The following CSMD1 variants were observed in gnomAD, a reference collection of about 807,000 sequenced individuals.
CSMD1 encodes CUB and sushi domain-containing protein 1.
CSMD1 carries 213 observed loss-of-function variants against 417.5 expected under a neutral mutation model. The observed-to-expected ratio is 0.51, with a 90% CI of 0.46 to 0.57. CSMD1 has a LOEUF of 0.57. Ranked by LOEUF, CSMD1 falls within the 20% of genes least tolerant of loss-of-function variation. CSMD1 has a pLI of 0.00. For synonymous variants in CSMD1, 2,862 were observed against 1,736.8 expected (o/e 1.65, Z -16.11); for missense variants, 6,923 against 4,529.7 (o/e 1.53, Z -15.17).
rs1312794895 is a variant in CSMD1, at chr8:4,021,806, A to C, written c.610+10099T>G. Reference sequence around the variant, plus strand: ...AAGAAGCCATTTAGTGATAAAACTAAATTAAAGAAACTAAAGACCCGGGGC... The same window carrying C: ...AAGAAGCCATTTAGTGATAAAACTACATTAAAGAAACTAAAGACCCGGGGC... On this transcript the variant is annotated intron_variant, in intron 4 of 69. Coordinates refer to ENST00000635120, the MANE Select transcript of CSMD1 (RefSeq NM_033225.6). 2.6e-5 allele frequency among the ~76,000 whole-genome samples: 4 copies of C among 152,288 alleles called. No individual in the cohort carries two copies. In the East Asian group the frequency reaches 5.8e-4, roughly 22 times the overall value.
intron 23 of CSMD1, among the ~76,000 whole-genome samples, chr8:3,309,334 C>T (rs1006674139): frequency 7.6e-6 from 1 of 132,110 alleles, no homozygotes; most frequent in Non-Finnish European, 1.7e-5. Flanking sequence ...GAAAAAAAAA[C>T]TGGCGCTCCT....
chr8:4,273,048 T>C (rs1003225456), intron 3 of CSMD1, among the ~76,000 whole-genome samples: 1 of 152,064 alleles, frequency 6.6e-6, no homozygotes, highest in Non-Finnish European at 1.5e-5. Flanking sequence ...AAAATGGGGA[T>C]CATTATGTTG....
intron 25 of CSMD1, among the ~76,000 whole-genome samples, chr8:3,295,495 C>G (rs1179302265): frequency 6.6e-6 from 1 of 152,126 alleles, no homozygotes; most frequent in Admixed American, 6.5e-5. Flanking sequence ...TGTTAATTTA[C>G]TTTAAAACTG....
chr8:3,397,960 G>A (rs907467500), intron 16 of CSMD1, among the ~76,000 whole-genome samples: 1 of 152,144 alleles, frequency 6.6e-6, no homozygotes, highest in Non-Finnish European at 1.5e-5. Context: ...TTTAAGAGCT[G>A]TGTACTATGT....
At chr8:4,028,393 T>C (rs534857048) in intron 4 of CSMD1, among the ~76,000 whole-genome samples, 20 of 152,222 alleles carry the variant, frequency 1.3e-4, no homozygotes, top group African/African-American at 4.8e-4. Flanking sequence ...AAGTGGACAA[T>C]ACATACTAGC....
chr8:3,400,733 C>A (rs887346716), intron 15 of CSMD1, among the ~76,000 whole-genome samples: 3 of 151,592 alleles, frequency 2.0e-5, no homozygotes. Flanking sequence ...TCAGTGAACA[C>A]GGCAGTGGAA....
intron 2 of CSMD1, among the ~76,000 whole-genome samples, chr8:4,592,925 A>G (rs1179797859): frequency 1.3e-5 from 2 of 152,128 alleles, no homozygotes; most frequent in East Asian, 1.9e-4. Context: ...TCGAATCAGC[A>G]TTTATTTATA....
chr8:3,218,637 C>T (rs1798022725), intron 29 of CSMD1, among the ~76,000 whole-genome samples: 3 of 151,418 alleles, frequency 2.0e-5, no homozygotes, highest in South Asian at 4.2e-4. Flanking sequence ...TTTGGGAGGC[C>T]GAGGCAGGTG....
At chr8:3,573,458 T>C (rs1382491199) in intron 10 of CSMD1, among the ~76,000 whole-genome samples, 1 of 152,146 alleles carries the variant, frequency 6.6e-6, no homozygotes, top group African/African-American at 2.4e-5. Context: ...CTTGGAGGCT[T>C]TTGTCACAGC....
chr8:4,643,765 C>G (rs1379274340), intron 1 of CSMD1, among the ~76,000 whole-genome samples: 1 of 152,102 alleles, frequency 6.6e-6, no homozygotes, highest in Non-Finnish European at 1.5e-5. Flanking sequence ...AGGGGTTATT[C>G]CAGGGTCTGC....
chr8:3,683,639 T>C (rs1309172229), intron 7 of CSMD1, among the ~76,000 whole-genome samples: 2 of 152,206 alleles, frequency 1.3e-5, no homozygotes, highest in Non-Finnish European at 2.9e-5. Flanking sequence ...GTGCATACTC[T>C]TTTAATTTAA....
intron 12 of CSMD1, among the ~76,000 whole-genome samples, chr8:3,453,607 T>C (rs188226891): frequency 1.3e-5 from 2 of 152,250 alleles, no homozygotes; most frequent in East Asian, 1.9e-4. Flanking sequence ...TCAGTTTCCA[T>C]GTAACTGAGT....
rs550999779 is a variant in CSMD1 at position 2,948,792 on chromosome 8, T to C, written c.10402+507A>G. Reference sequence around the variant, plus strand: ...AGTACTGACCAATTGTATCTACCCATACATCCATCAAAATTAAACATGAGC... The same window carrying C: ...AGTACTGACCAATTGTATCTACCCACACATCCATCAAAATTAAACATGAGC... On this transcript the variant is annotated intron_variant, in intron 68 of 69. Coordinates refer to ENST00000635120, the MANE Select transcript of CSMD1 (RefSeq NM_033225.6). Among the ~76,000 whole-genome samples, 10 of 152,194 alleles carry C rather than the reference T, an allele frequency of 6.6e-5. No homozygotes were observed. In the South Asian group the frequency reaches 1.5e-3, roughly 22 times the overall value.
intron 26 of CSMD1, among the ~76,000 whole-genome samples, chr8:3,254,053 C>T (rs1447642350): frequency 1.3e-5 from 2 of 152,098 alleles, no homozygotes; most frequent in African/African-American, 4.8e-5. Flanking sequence ...TTCAGGAGCT[C>T]TTGTAGGGCA....
chr8:3,239,886 T>A (rs2098763), intron 26 of CSMD1, among the ~76,000 whole-genome samples: 2 of 151,854 alleles, frequency 1.3e-5, no homozygotes, highest in East Asian at 3.9e-4. Context: ...TGTGGGAGGC[T>A]GGATTGAAGT....
At chr8:4,575,496 AG>A (rs1248357887) in intron 2 of CSMD1, among the ~76,000 whole-genome samples, 38 of 152,290 alleles carry the variant, frequency 2.5e-4, no homozygotes, top group Admixed American at 2.2e-3. Context: ...GGAATAATGC[AG>A]GTATCCTCCA....
intron 2 of CSMD1, among the ~76,000 whole-genome samples, chr8:4,601,644 G>A (rs1243533938): frequency 1.3e-5 from 2 of 152,136 alleles, no homozygotes; most frequent in Admixed American, 6.5e-5. Flanking sequence ...TATGGCGGAT[G>A]TCTCATTTTT....
At chr8:3,242,457 G>C (rs1799600221) in intron 26 of CSMD1, among the ~76,000 whole-genome samples, 1 of 152,068 alleles carries the variant, frequency 6.6e-6, no homozygotes. Flanking sequence ...AGAATGCCTG[G>C]ACGTCAGGCA....
chr8:4,031,574 G>A (rs768384435), intron 4 of CSMD1, among the ~76,000 whole-genome samples: 8 of 152,116 alleles, frequency 5.3e-5, no homozygotes, highest in African/African-American at 1.7e-4. Flanking sequence ...TGAGGACAGA[G>A]CTAAATCATA....
Sources: gnomAD v4.1 joint callset for allele counts (sites outside exome capture counted in the v4.1 genomes callset) on GRCh38, gnomAD v4.1.1 for gene constraint, MANE v1.5 for transcripts, NCBI Gene and HGNC (gene_info 2026-07-23, HGNC 2026-07-21) for gene names.